Variants in NFKBIA observed in about 807,000 individuals in gnomAD.
NFKBIA encodes NFKB inhibitor alpha, also known as NF-kappa-B inhibitor alpha.
In NFKBIA, 10 loss-of-function variants were observed where a neutral mutation model predicts 36.3. The observed-to-expected ratio is 0.28, with a 90% CI of 0.17 to 0.47. The LOEUF is 0.47. Among genes scored for constraint, NFKBIA ranks in the 20% least tolerant of loss-of-function variants. The pLI is 0.99. For missense variants in NFKBIA, 355 were observed against 399.3 expected (o/e 0.89, Z 0.94); for synonymous variants, 205 against 164.4 (o/e 1.25, Z -1.89).
rs1594425897 is a variant in NFKBIA at position 35,401,938 on chromosome 14, TTTTC to T, written c.*71_*74del. 3.2e-6 allele frequency: 5 copies of T among 1,569,116 alleles called. No individual in the cohort carries two copies. Among genetic ancestry groups the T allele is most frequent in the Non-Finnish European group, 4.4e-6 (5 of 1,143,400 alleles). On this transcript the variant is annotated 3_prime_UTR_variant, in exon 6 of 6. Coordinates refer to ENST00000216797, the MANE Select transcript of NFKBIA (RefSeq NM_020529.3). ...TACACCCTTTAAATTTTTTCTTCTT[TTTTC>T]TTTTTTTAGAAAAATAAAACTTTTT... is the stretch of plus-strand genomic sequence containing the variant.
At position 35,403,274 on chromosome 14, in the gene NFKBIA, G is replaced by C; in HGVS notation, c.423C>G (p.Asp141Glu). The change falls in exon 3 of 6, where the codon GAC (aspartate) becomes GAG (glutamate). Residue 141 changes from aspartate (D) to glutamate (E), a missense_variant. Transcript: ENST00000216797. Reference sequence around the variant, plus strand: ...GGTGTAGGGGGGTATTTCCTCGAAAGTCTCGGAGCTCAGGATCACAGCCAG... The same window carrying C: ...GGTGTAGGGGGGTATTTCCTCGAAACTCTCGGAGCTCAGGATCACAGCCAG... ...LGAGCDPELR[D>E]FRGNTPLHLA... The C allele has an allele frequency of 6.2e-7, 1 of 1,613,882 alleles. No individual in the cohort carries two copies. Among genetic ancestry groups the C allele is most frequent in the African/African-American group, 1.3e-5 (1 of 75,046 alleles).
chr14:35,404,384 CGACGA>C, intron 1 of NFKBIA, 29 bp downstream of exon 1: 7 of 1,465,530 alleles, frequency 4.8e-6, no homozygotes, highest in Non-Finnish European at 6.4e-6. Context: ...CCCGCCCTCC[CGACGA>C]CCCCCAGCCC....
At position 35,401,701 on chromosome 14, in the gene NFKBIA, C is replaced by A; in HGVS notation, c.*312G>T. The A allele has an allele frequency of 2.2e-6, 1 of 464,652 alleles. No individual in the cohort carries two copies. 28.8% of individuals were successfully genotyped at this position (464,652 alleles called of 1,614,324 possible). On this transcript the variant is annotated 3_prime_UTR_variant, in exon 6 of 6. Coordinates refer to ENST00000216797, the MANE Select transcript of NFKBIA (RefSeq NM_020529.3). ...CAGGATACCACTGGGGTCAGTCACT[C>A]GAAGCACAATAAATATAAAATGTGG... is the stretch of plus-strand genomic sequence containing the variant.
chr14:35,404,527 C>T lies in NFKBIA; in HGVS notation c.118G>A (p.Glu40Lys). ...TCCTTGACCATCTGCTCGTACTCCTCGTCTTTCATGGAGTCCAGGCCGCTG... is the reference window on the plus strand; with the variant it reads ...TCCTTGACCATCTGCTCGTACTCCTTGTCTTTCATGGAGTCCAGGCCGCTG... ...HDSGLDSMKD[E>K]EYEQMVKELQ... The change falls in exon 1 of 6, where the codon GAG becomes AAG. Residue 40 changes from glutamate (E) to lysine (K), a missense_variant. Physicochemically the swap from Glu to Lys is moderately conservative, Grantham distance 56 (BLOSUM62 1). Coordinates refer to ENST00000216797, the MANE Select transcript of NFKBIA (RefSeq NM_020529.3). 6.2e-7 allele frequency: 1 copy of T among 1,604,196 alleles called. No homozygotes were observed.
Position 35,401,922 on chromosome 14 carries a change from TA to T in NFKBIA, c.*90del. 6.8e-7 allele frequency: 1 copy of T among 1,480,972 alleles called. No individual in the cohort carries two copies. The highest frequency in any genetic ancestry group is 1.7e-5 in the Admixed American group (1 of 58,492). The allele number at this position is 1,480,972 out of a possible 1,614,324, so 91.7% of individuals were successfully genotyped here. The stretch of plus-strand genomic sequence containing the variant: ...GCAGTGTGGATATAAGTACACCCTT[TA>T]AATTTTTTCTTCTTTTTTCTTTTTT... On this transcript the variant is annotated 3_prime_UTR_variant, in exon 6 of 6. Coordinates refer to ENST00000216797, the MANE Select transcript of NFKBIA (RefSeq NM_020529.3).
intron 5 of NFKBIA, 69 bp downstream of exon 5, chr14:35,402,325 T>C (rs1003119861): frequency 6.3e-7 from 1 of 1,582,818 alleles, no homozygotes. Flanking sequence ...GGAGCAGCTC[T>C]AGGGGCCTGG....
chr14:35,402,775 G>A lies in NFKBIA; in HGVS notation c.632C>T (p.Ala211Val), dbSNP rs2052741601. The change falls in exon 4 of 6, where the codon GCT becomes GTT. Residue 211 changes from alanine (A) to valine (V), a missense_variant. Physicochemically the swap from Ala to Val is moderately conservative, Grantham distance 64. Transcript: ENST00000216797. ...TCGGGGGCAGGAAGCACCAACCTGA[G>A]CATTGACATCAGCACCCAAGGACAC... ...LLVSLGADVN[A>V]QEPCNGRTAL... The A allele has an allele frequency of 6.2e-7, 1 of 1,614,044 alleles. No individual in the cohort carries two copies. Among genetic ancestry groups the A allele is most frequent in the Non-Finnish European group, 8.5e-7 (1 of 1,179,906 alleles).
intron 5 of NFKBIA, 24 bp downstream of exon 5, chr14:35,402,370 C>G (rs781022181): frequency 6.2e-7 from 1 of 1,613,854 alleles, no homozygotes; most frequent in South Asian, 1.1e-5. Context: ...TTAGTTAGAG[C>G]GCCGAAGGAG....
At chr14:35,402,319 C>A in intron 5 of NFKBIA, 75 bp downstream of exon 5, 1 of 1,558,392 alleles carries the variant, frequency 6.4e-7, no homozygotes, top group South Asian at 1.1e-5. Context: ...TGATAAGGAG[C>A]AGCTCTAGGG....
chr14:35,404,035 G>A lies in NFKBIA; in HGVS notation c.228-237C>T, dbSNP rs564548277. On this transcript the variant is annotated intron_variant, in intron 1 of 5. Transcript: ENST00000216797. ...GACCGCCCCGCCCTCCCGCCAGCTC[G>A]GAACGCCCTGTACTTCCCCTCCCGG... 3.4e-4 allele frequency: 189 copies of A among 549,698 alleles called. No individual in the cohort carries two copies. In the East Asian group the frequency reaches 5.9e-3, roughly 17 times the overall value. The allele number at this position is 549,698 out of a possible 1,614,324, so 34.1% of individuals were successfully genotyped here. A position where few individuals can be genotyped will look rare whatever the true frequency, so the allele number is the denominator to read the frequency against.
rs201614038 is a variant in NFKBIA at position 35,403,140 on chromosome 14, G to A, written c.547+10C>T. 1.2e-5 allele frequency: 19 copies of A among 1,608,618 alleles called. No individual in the cohort carries two copies. The highest frequency in any genetic ancestry group is 3.3e-5 in the Admixed American group (2 of 59,958). On this transcript the variant is annotated intron_variant, in intron 3 of 5. Transcript: ENST00000216797. ...CGAGGGGGTGGGGCAGGGCAGGGAG[G>A]CAGACATACCATTGTAGTTGGTAGC...
In NFKBIA at chr14:35,403,270, G is replaced by A; in HGVS notation, c.427C>T (p.Arg143Ter). 6.2e-7 allele frequency: 1 copy of A among 1,613,798 alleles called. No homozygotes were observed. The highest frequency in any genetic ancestry group is 8.5e-7 in the Non-Finnish European group (1 of 1,180,022). ...AGCDPELRDFRGNTPLHLACE... is the reference protein window; with the variant it reads ...AGCDPELRDF Reference sequence around the variant, plus strand: ...GCAAGGTGTAGGGGGGTATTTCCTCGAAAGTCTCGGAGCTCAGGATCACAG... The same window carrying A: ...GCAAGGTGTAGGGGGGTATTTCCTCAAAAGTCTCGGAGCTCAGGATCACAG... The change falls in exon 3 of 6, where the codon CGA (arginine) becomes TGA (stop). Residue 143 changes from arginine to a stop codon, truncating the protein, a stop_gained. Transcript: ENST00000216797. LOFTEE classifies it high-confidence loss of function.
rs2052748973 is a variant in NFKBIA at position 35,403,317 on chromosome 14, G to A, written c.380C>T (p.Ala127Val). Residue 127 changes from alanine to valine, a missense_variant, in exon 3 of 6, where the codon GCT (alanine) becomes GTT (valine). By Grantham distance (64) the Ala-to-Val change is moderately conservative. Transcript: ENST00000216797. ...LAVITNQPEI[A>V]EALLGAGCDP... ...ACAGCCAGCTCCCAGAAGTGCCTCA[G>A]CAATTTCTGGCTGGTTGGTGATCAC... The A allele has an allele frequency of 6.2e-7, 1 of 1,614,068 alleles. No homozygotes were observed. Among genetic ancestry groups the A allele is most frequent in the African/African-American group, 1.3e-5 (1 of 75,034 alleles).
At position 35,404,398 on chromosome 14, in the gene NFKBIA, C is replaced by T. The variant is rs1301604668; in HGVS notation, c.227+20G>A. Reference sequence around the variant, plus strand: ...TCCCGCCCTCCCGACGACCCCCAGCCCCGGGCCTCCGCCACTTACGAGTCC... The same window carrying T: ...TCCCGCCCTCCCGACGACCCCCAGCTCCGGGCCTCCGCCACTTACGAGTCC... On this transcript the variant is annotated intron_variant, in intron 1 of 5. Transcript: ENST00000216797. The T allele has an allele frequency of 6.4e-7, 1 of 1,551,800 alleles. No homozygotes were observed. Among genetic ancestry groups the T allele is most frequent in the Non-Finnish European group, 8.7e-7 (1 of 1,153,948 alleles).
intron 2 of NFKBIA, 77 bp downstream of exon 2, chr14:35,403,613 G>C (rs1594427124): frequency 9.2e-7 from 1 of 1,082,974 alleles, no homozygotes; most frequent in Admixed American, 1.9e-5. Flanking sequence ...CCTGAATTCA[G>C]AAAGGATCTG....
chr14:35,404,389 A>AC (rs775860792), intron 1 of NFKBIA, 29 bp downstream of exon 1: 3 of 827,442 alleles, frequency 3.6e-6, no homozygotes, highest in Admixed American at 2.4e-5. Flanking sequence ...CCTCCCGACG[A>AC]CCCCCAGCCC....
At chr14:35,402,092 C>T in intron 5 of NFKBIA, 32 bp from the exon 6 acceptor site, 1 of 1,613,878 alleles carries the variant, frequency 6.2e-7, no homozygotes, top group Non-Finnish European at 8.5e-7. Context: ...ACACGTTAAG[C>T]TTCCGGAGCG....
At chr14:35,402,170 A>G in intron 5 of NFKBIA, 110 bp from the exon 6 acceptor site, 1 of 1,348,250 alleles carries the variant, frequency 7.4e-7, no homozygotes, top group Non-Finnish European at 1.1e-6. Flanking sequence ...CATTCTCCAT[A>G]GCCCAAATAT....
At chr14:35,403,003 A>G (rs1227246093) in intron 3 of NFKBIA, 144 bp from the exon 4 acceptor site, 1 of 1,226,394 alleles carries the variant, frequency 8.2e-7, no homozygotes, top group Non-Finnish European at 1.2e-6. Flanking sequence ...AAAGGCATCC[A>G]ATAGGCACTT....
Sources: allele counts gnomAD v4.1 joint callset, GRCh38; gene constraint gnomAD v4.1.1; transcripts MANE v1.5; gene names NCBI Gene and HGNC (gene_info 2026-07-23, HGNC 2026-07-21).